The following IQSEC1 variants were observed in gnomAD, a reference collection of about 807,000 sequenced individuals.
IQSEC1 encodes IQ motif and Sec7 domain ArfGEF 1, also known as IQ motif and SEC7 domain-containing protein 1.
Under a neutral mutation model 91.0 loss-of-function variants are expected in IQSEC1, and 31 were observed. That is an observed-to-expected ratio of 0.34 (90% CI 0.26 to 0.46). IQSEC1 has a LOEUF of 0.46. Ranked by LOEUF, IQSEC1 falls within the 20% of genes least tolerant of loss-of-function variation. IQSEC1 has a pLI of 1.00. For synonymous variants in IQSEC1, 699 were observed against 662.6 expected (o/e 1.05, Z -0.84); for missense variants, 1,388 against 1,575.6 (o/e 0.88, Z 2.02).
chr3:13,093,102 T>A (rs761344139), intron 2 of IQSEC1, among the ~76,000 whole-genome samples: 4 of 152,074 alleles, frequency 2.6e-5, no homozygotes, highest in Non-Finnish European at 5.9e-5. Context: ...CTAAATCACA[T>A]CTCGGTGGCT....
intron 1 of IQSEC1, among the ~76,000 whole-genome samples, chr3:13,172,761 C>A (rs1319661017): frequency 6.6e-6 from 1 of 152,220 alleles, no homozygotes; most frequent in Non-Finnish European, 1.5e-5. Context: ...CAGCAGGACT[C>A]CACACCCGGG....
intron 2 of IQSEC1, among the ~76,000 whole-genome samples, chr3:13,123,494 C>T (rs1480000061): frequency 6.6e-6 from 1 of 152,232 alleles, no homozygotes; most frequent in Non-Finnish European, 1.5e-5. Flanking sequence ...TGTGGAGGGC[C>T]TCCTTTGGTC....
At chr3:13,167,838 GA>G (rs1176108416) in intron 1 of IQSEC1, among the ~76,000 whole-genome samples, 2 of 152,210 alleles carry the variant, frequency 1.3e-5, no homozygotes, top group Non-Finnish European at 2.9e-5. Flanking sequence ...CTGGAAAACT[GA>G]AATCTACCTT....
chr3:13,069,236 C>T lies in IQSEC1; in HGVS notation c.23+3756G>A, dbSNP rs576758210. The stretch of plus-strand genomic sequence containing the variant: ...CGTGCTTGAGTGAAGACTGGGCCTC[C>T]GGTTCCCTCCCTGCATCTCTCTCGG... On this transcript the variant is annotated intron_variant, in intron 1 of 13. Coordinates refer to ENST00000613206, the MANE Select transcript of IQSEC1 (RefSeq NM_001134382.3). Among the ~76,000 whole-genome samples the T allele has an allele frequency of 1.9e-3, 293 of 152,158 alleles. 1 individual carries two copies. The highest frequency in any genetic ancestry group is 5.5e-3 in the African/African-American group (227 of 41,500).
chr3:12,938,892 C>G (rs1317744242), intron 2 of IQSEC1, among the ~76,000 whole-genome samples: 1 of 152,164 alleles, frequency 6.6e-6, no homozygotes, highest in African/African-American at 2.4e-5. Context: ...CACCAGAGCC[C>G]CTGGCAGTTC....
Position 12,909,555 on chromosome 3 carries a change from G to A in IQSEC1, c.2417-121C>T. The A allele has an allele frequency of 2.1e-6, 2 of 974,066 alleles. No individual in the cohort carries two copies. Among genetic ancestry groups the A allele is most frequent in the Non-Finnish European group, 3.1e-6 (2 of 650,906 alleles). The allele number at this position is 974,066 out of a possible 1,614,324, so 60.3% of individuals were successfully genotyped here. A position where few individuals can be genotyped will look rare whatever the true frequency, so the allele number is the denominator to read the frequency against. ...TGCGTGAGCCTGGGATAAGTGCCGG[G>A]AGTCCAGCCTCCGCAGTGGCAGGCT... On this transcript the variant is annotated intron_variant, in intron 10 of 13. Transcript: ENST00000613206. The surrounding 1 kb of genome is among the most constrained non-coding windows in gnomAD (Gnocchi z 4.9).
chr3:13,055,602 G>C (rs539513878), intron 1 of IQSEC1, among the ~76,000 whole-genome samples: 3 of 152,354 alleles, frequency 2.0e-5, no homozygotes. Context: ...CACCCGTGTA[G>C]AGCAGGGGCA....
rs1191207760 is a variant in IQSEC1 at position 12,988,705 on chromosome 3, G to A, written c.24-46840C>T. 2.0e-5 allele frequency among the ~76,000 whole-genome samples: 3 copies of A among 152,330 alleles called. No individual in the cohort carries two copies. In the East Asian group the frequency reaches 5.8e-4, roughly 29 times the overall value. ...CTGGGGAGGGGCACACGGGGGCTTTGGGCAATGCTCAGTCTCTTGACCCAT... is the reference window on the plus strand; with the variant it reads ...CTGGGGAGGGGCACACGGGGGCTTTAGGCAATGCTCAGTCTCTTGACCCAT... On this transcript the variant is annotated intron_variant, in intron 1 of 13. Coordinates refer to ENST00000613206, the MANE Select transcript of IQSEC1 (RefSeq NM_001134382.3).
chr3:13,000,778 A>T (rs1361776266), intron 1 of IQSEC1, among the ~76,000 whole-genome samples: 1 of 152,180 alleles, frequency 6.6e-6, no homozygotes, highest in Non-Finnish European at 1.5e-5. Flanking sequence ...GCTTGCAATA[A>T]ACACAACTTC....
intron 2 of IQSEC1, among the ~76,000 whole-genome samples, chr3:13,089,111 G>T (rs114479619): frequency 0.066 from 10,091 of 152,278 alleles, 425 homozygotes; most frequent in Middle Eastern, 0.19. Context: ...TGGCCAGGAG[G>T]CCCCCTTGGG....
At chr3:13,266,162 C>G (rs533555941) in intron 1 of IQSEC1, among the ~76,000 whole-genome samples, 6 of 152,162 alleles carry the variant, frequency 3.9e-5, no homozygotes, top group African/African-American at 1.4e-4. Flanking sequence ...AACACTCCCC[C>G]GGAGCTCAGA....
chr3:13,250,510 C>T (rs2125115452), intron 1 of IQSEC1, among the ~76,000 whole-genome samples: 1 of 151,402 alleles, frequency 6.6e-6, no homozygotes, highest in African/African-American at 2.4e-5. Flanking sequence ...CCTCCCCCCA[C>T]CACCACCCTC....
intron 1 of IQSEC1, among the ~76,000 whole-genome samples, chr3:13,226,067 CAG>C (rs1254543123): frequency 6.6e-6 from 1 of 152,138 alleles, no homozygotes; most frequent in East Asian, 1.9e-4. Context: ...TTAGTAGAGA[CAG>C]GGTTTCACCA....
intron 1 of IQSEC1, among the ~76,000 whole-genome samples, chr3:13,202,452 T>C (rs1004692815): frequency 6.6e-6 from 1 of 152,178 alleles, no homozygotes; most frequent in African/African-American, 2.4e-5. Flanking sequence ...CCCATCCTTA[T>C]AGTCAGCCTT....
At chr3:13,079,151 G>A (rs951167059) in intron 2 of IQSEC1, among the ~76,000 whole-genome samples, 1 of 152,244 alleles carries the variant, frequency 6.6e-6, no homozygotes, top group African/African-American at 2.4e-5. Context: ...TGTGGAGGCT[G>A]AGTCAGCACA....
chr3:13,269,020 C>T (rs1695547605), intron 1 of IQSEC1, among the ~76,000 whole-genome samples: 1 of 152,222 alleles, frequency 6.6e-6, no homozygotes, highest in South Asian at 2.1e-4. Context: ...CCTCAGAGGA[C>T]GTGCGGGGTT....
At chr3:12,942,377 C>T (rs1318802417) in intron 1 of IQSEC1, among the ~76,000 whole-genome samples, 6 of 152,136 alleles carry the variant, frequency 3.9e-5, no homozygotes, top group Middle Eastern at 3.4e-3. Context: ...CCGAGGAGGG[C>T]GGATCACGAG....
At chr3:12,920,104 T>C (rs905206725) in intron 6 of IQSEC1, among the ~76,000 whole-genome samples, 1 of 152,242 alleles carries the variant, frequency 6.6e-6, no homozygotes, top group Non-Finnish European at 1.5e-5. Context: ...TTAAAATATA[T>C]ACTTTTAGGT....
At chr3:13,226,249 C>T (rs1304666546) in intron 1 of IQSEC1, among the ~76,000 whole-genome samples, 2 of 152,188 alleles carry the variant, frequency 1.3e-5, no homozygotes, top group African/African-American at 2.4e-5. Flanking sequence ...AAACCAGTGT[C>T]TGCCTGGATT....
Sources: allele counts gnomAD v4.1 joint callset (sites outside exome capture counted in the v4.1 genomes callset), GRCh38; gene constraint gnomAD v4.1.1; non-coding constraint Gnocchi (gnomAD v3.1); transcripts MANE v1.5; gene names NCBI Gene and HGNC (gene_info 2026-07-23, HGNC 2026-07-21).